Variants in CDC42BPA observed in about 807,000 individuals in gnomAD.
CDC42BPA encodes serine/threonine-protein kinase MRCK alpha.
CDC42BPA carries 80 observed loss-of-function variants against 223.5 expected under a neutral mutation model. The ratio of observed to expected loss-of-function variants is 0.36; its 90% CI spans 0.30 to 0.43. The LOEUF is 0.43. Ranked by LOEUF, CDC42BPA falls within the 20% of genes least tolerant of loss-of-function variation. CDC42BPA has a pLI of 1.00. For synonymous variants in CDC42BPA, 694 were observed against 718.6 expected (o/e 0.97, Z 0.55); for missense variants, 1,743 against 2,099.9 (o/e 0.83, Z 3.32).
intron 21 of CDC42BPA, among the ~76,000 whole-genome samples, chr1:227,054,418 C>T (rs1280613477): frequency 6.6e-6 from 1 of 152,126 alleles, no homozygotes; most frequent in Non-Finnish European, 1.5e-5. Flanking sequence ...TTAGAAAATA[C>T]TGCCTTAAGC....
chr1:227,046,969 A>G (rs190656208), intron 23 of CDC42BPA, among the ~76,000 whole-genome samples: 3 of 152,132 alleles, frequency 2.0e-5, no homozygotes, highest in African/African-American at 7.2e-5. Flanking sequence ...TTTAAGTGAC[A>G]TATTTTTTGC....
intron 11 of CDC42BPA, among the ~76,000 whole-genome samples, chr1:227,126,923 A>C (rs185324102): frequency 1.1e-3 from 161 of 152,294 alleles, no homozygotes; most frequent in Admixed American, 2.4e-3. Flanking sequence ...TCTTGCAATA[A>C]GGCAAGAAAA....
intron 34 of CDC42BPA, among the ~76,000 whole-genome samples, chr1:227,011,594 G>C (rs1430668853): frequency 6.6e-6 from 1 of 151,960 alleles, no homozygotes; most frequent in African/African-American, 2.4e-5. Context: ...CTAATTATTG[G>C]TTTACCTTTA....
chr1:227,068,756 TAAG>T (rs1235576529), intron 21 of CDC42BPA: 7 of 607,766 alleles, frequency 1.2e-5, no homozygotes, highest in Admixed American at 9.9e-5. Flanking sequence ...AGCAATTTAA[TAAG>T]AATAATAAAT....
chr1:227,096,167 A>T (rs1189627899), intron 15 of CDC42BPA, among the ~76,000 whole-genome samples: 2 of 152,172 alleles, frequency 1.3e-5, no homozygotes, highest in Non-Finnish European at 2.9e-5. Context: ...CTCCAAGCAA[A>T]TTTGTCACTT....
chr1:227,303,441 A>C (rs908713982), intron 1 of CDC42BPA, among the ~76,000 whole-genome samples: 4 of 152,196 alleles, frequency 2.6e-5, no homozygotes, highest in African/African-American at 9.6e-5. Context: ...TATGTTGCCC[A>C]ATCCAGAAAA....
At chr1:227,314,740 G>T (rs1404605306) in intron 1 of CDC42BPA, among the ~76,000 whole-genome samples, 2 of 129,802 alleles carry the variant, frequency 1.5e-5, no homozygotes, top group Non-Finnish European at 3.4e-5. Context: ...CGTTCCTGTT[G>T]CAAATAGTCT....
At chr1:227,213,277 A>T in intron 2 of CDC42BPA, 58 bp from the exon 3 acceptor site, 1 of 905,702 alleles carries the variant, frequency 1.1e-6, no homozygotes, top group Non-Finnish European at 1.7e-6. Flanking sequence ...TTTTTCAGCC[A>T]TCCATTTTCC....
chr1:227,130,670 C>T (rs763396593), intron 10 of CDC42BPA, among the ~76,000 whole-genome samples: 1 of 152,100 alleles, frequency 6.6e-6, no homozygotes, highest in Non-Finnish European at 1.5e-5. Flanking sequence ...GCCTGGCCAA[C>T]ATGGTGAAAC....
In CDC42BPA at chr1:227,196,546, A is replaced by G. The variant is rs374879884; in HGVS notation, c.451-2612T>C. Reference sequence around the variant, plus strand: ...AGTAGAGACCGGGTTTCACCGTGTTAGCCAGGATGGTCTCGATCTCCTGAC... The same window carrying G: ...AGTAGAGACCGGGTTTCACCGTGTTGGCCAGGATGGTCTCGATCTCCTGAC... On this transcript the variant is annotated intron_variant, in intron 4 of 36. Transcript: ENST00000366766. 1.5e-3 allele frequency among the ~76,000 whole-genome samples: 233 copies of G among 151,920 alleles called. 2 individuals carry two copies. The highest frequency in any genetic ancestry group is 5.3e-3 in the African/African-American group (219 of 41,472).
intron 10 of CDC42BPA, among the ~76,000 whole-genome samples, chr1:227,131,954 G>C (rs538522295): frequency 8.5e-5 from 13 of 152,274 alleles, no homozygotes; most frequent in African/African-American, 3.1e-4. Context: ...AAGGGGACAG[G>C]AGAACGGGAG....
intron 2 of CDC42BPA, among the ~76,000 whole-genome samples, chr1:227,250,102 C>T (rs943419190): frequency 1.3e-5 from 2 of 152,108 alleles, no homozygotes; most frequent in African/African-American, 4.8e-5. Flanking sequence ...TTCCATGATG[C>T]AATTATTAAG....
chr1:227,170,467 GA>G (rs1221554059), intron 5 of CDC42BPA, among the ~76,000 whole-genome samples: 56 of 104,432 alleles, frequency 5.4e-4, no homozygotes, highest in East Asian at 3.0e-3. Flanking sequence ...AAAAAAAAAA[GA>G]AAAAAAAAAT....
At chr1:227,304,788 G>A (rs1692269903) in intron 1 of CDC42BPA, among the ~76,000 whole-genome samples, 1 of 152,156 alleles carries the variant, frequency 6.6e-6, no homozygotes, top group Admixed American at 6.5e-5. Context: ...AGATGAGTGT[G>A]GGACAAAAGA....
intron 16 of CDC42BPA, among the ~76,000 whole-genome samples, chr1:227,082,910 G>C (rs1572694809): frequency 6.6e-6 from 1 of 152,056 alleles, no homozygotes; most frequent in Admixed American, 6.6e-5. Context: ...TGGGAGGTCA[G>C]TTTTCAGTTG....
At chr1:227,128,376 C>T (rs1656293192) in intron 11 of CDC42BPA, among the ~76,000 whole-genome samples, 1 of 152,112 alleles carries the variant, frequency 6.6e-6, no homozygotes, top group Non-Finnish European at 1.5e-5. Context: ...ACTAATTCTC[C>T]TTATTCTATT....
chr1:227,213,436 T>C (rs1674286682), intron 2 of CDC42BPA, among the ~76,000 whole-genome samples: 1 of 152,082 alleles, frequency 6.6e-6, no homozygotes, highest in African/African-American at 2.4e-5. Flanking sequence ...CTGTATTAGT[T>C]GGTATTTGTG....
At chr1:227,169,523 G>T (rs906867233) in intron 5 of CDC42BPA, among the ~76,000 whole-genome samples, 4 of 152,014 alleles carry the variant, frequency 2.6e-5, no homozygotes, top group African/African-American at 9.7e-5. Flanking sequence ...TCACTCAGGG[G>T]TCATGTGAGC....
chr1:227,160,645 A>AT lies in CDC42BPA; in HGVS notation c.600-10dup. 7.0e-7 allele frequency: 1 copy of AT among 1,423,540 alleles called. No individual in the cohort carries two copies. The highest frequency in any genetic ancestry group is 1.3e-5 in the South Asian group (1 of 77,500). 88.2% of individuals were successfully genotyped at this position (1,423,540 alleles called of 1,614,324 possible). On this transcript the variant is annotated splice_polypyrimidine_tract_variant and intron_variant, in intron 5 of 36. Coordinates refer to ENST00000366766, the MANE Select transcript of CDC42BPA (RefSeq NM_001394014.1). Reference sequence around the variant, plus strand: ...TGTCAGGTTTAATGTCTCTGAAAAAATAAATAAATTCAATTTTTAGTGGAA... The same window carrying AT: ...TGTCAGGTTTAATGTCTCTGAAAAAATTAAATAAATTCAATTTTTAGTGGAA...
Sources: gnomAD v4.1 joint callset for allele counts (sites outside exome capture counted in the v4.1 genomes callset) on GRCh38, gnomAD v4.1.1 for gene constraint, MANE v1.5 for transcripts, NCBI Gene and HGNC (gene_info 2026-07-23, HGNC 2026-07-21) for gene names.